The following MBOAT2 variants were observed in gnomAD, a reference collection of about 807,000 sequenced individuals.
MBOAT2 encodes the protein membrane bound glycerophospholipid O-acyltransferase 2.
MBOAT2 carries 28 observed loss-of-function variants against 63.4 expected under a neutral mutation model. The observed-to-expected ratio is 0.44, with a 90% confidence interval of 0.33 to 0.61. MBOAT2 has a LOEUF of 0.61. MBOAT2 is among the 20% of genes least tolerant of loss of function. The probability of loss-of-function intolerance (pLI) is 0.03; values close to 1 mark genes in which losing one functional copy is unlikely to be tolerated. For missense variants in MBOAT2, 470 were observed against 605.8 expected, an observed-to-expected ratio of 0.78 and a Z score of 2.35; for synonymous variants, 211 against 215.6, an observed-to-expected ratio of 0.98 and a Z score of 0.19.
At chr2:8,905,810 A>T (rs1007901901) in intron 4 of MBOAT2, among the ~76,000 whole-genome samples, 2 of 152,228 alleles carry the variant, frequency 1.3e-5, no homozygotes, top group Non-Finnish European at 2.9e-5. Flanking sequence ...ATAATAATAA[A>T]AAAAGTTTCC....
intron 2 of MBOAT2, among the ~76,000 whole-genome samples, chr2:8,951,197 C>G (rs928760909): frequency 6.1e-5 from 9 of 146,482 alleles, no homozygotes; most frequent in African/African-American, 2.1e-4. Flanking sequence ...CAGTAGAATA[C>G]TGGTACCAGC....
chr2:8,970,275 G>C (rs1441667822), intron 1 of MBOAT2, among the ~76,000 whole-genome samples: 2 of 152,184 alleles, frequency 1.3e-5, no homozygotes, highest in African/African-American at 4.8e-5. Flanking sequence ...TGATTACTGG[G>C]TACATAACGA....
intron 1 of MBOAT2, among the ~76,000 whole-genome samples, chr2:8,961,893 G>A (rs909201239): frequency 2.0e-5 from 3 of 151,996 alleles, no homozygotes; most frequent in Admixed American, 6.6e-5. Context: ...TCCACAGCCA[G>A]GCTCCCTGCC....
chr2:8,957,170 G>A (rs1669285587), intron 2 of MBOAT2, among the ~76,000 whole-genome samples: 1 of 152,126 alleles, frequency 6.6e-6, no homozygotes, highest in Non-Finnish European at 1.5e-5. Context: ...GCTGAGTGAT[G>A]GGCATATGAG....
intron 2 of MBOAT2, among the ~76,000 whole-genome samples, chr2:8,949,921 T>C (rs1390511831): frequency 1.3e-5 from 2 of 152,202 alleles, no homozygotes; most frequent in African/African-American, 4.8e-5. Flanking sequence ...AGTATGGCCA[T>C]TTTAGTGGCA....
At chr2:8,935,555 A>AAAATT in intron 3 of MBOAT2, among the ~76,000 whole-genome samples, 1 of 152,360 alleles carries the variant, frequency 6.6e-6, no homozygotes, top group East Asian at 1.9e-4. Context: ...AAACAGCAAA[A>AAAATT]TACTTCAGAA....
chr2:8,919,167 T>C (rs1412567640), intron 3 of MBOAT2, among the ~76,000 whole-genome samples: 3 of 152,198 alleles, frequency 2.0e-5, no homozygotes, highest in Non-Finnish European at 4.4e-5. Context: ...CGGTGAATAT[T>C]TGGGCTGTTT....
intron 3 of MBOAT2, among the ~76,000 whole-genome samples, chr2:8,936,361 G>A (rs922915318): frequency 6.6e-6 from 1 of 152,222 alleles, no homozygotes; most frequent in Non-Finnish European, 1.5e-5. Context: ...TTGGTGGGCA[G>A]CTGAACCTTA....
At chr2:8,951,421 T>C (rs1668827876) in intron 2 of MBOAT2, among the ~76,000 whole-genome samples, 1 of 152,160 alleles carries the variant, frequency 6.6e-6, no homozygotes, top group Non-Finnish European at 1.5e-5. Context: ...GCCAGGCTGG[T>C]CTTGAACTCC....
intron 8 of MBOAT2, among the ~76,000 whole-genome samples, chr2:8,870,011 T>G (rs1182714614): frequency 6.6e-6 from 1 of 152,170 alleles, no homozygotes; most frequent in African/African-American, 2.4e-5. Flanking sequence ...CCACCTTCCA[T>G]GTTCCCCTGC....
At chr2:8,900,401 G>C (rs574692259) in intron 4 of MBOAT2, among the ~76,000 whole-genome samples, 26 of 152,302 alleles carry the variant, frequency 1.7e-4, no homozygotes, top group African/African-American at 6.0e-4. Flanking sequence ...GAGCTCAAAG[G>C]TTTGCCCTAG....
At chr2:8,952,375 T>C (rs550129555) in intron 2 of MBOAT2, among the ~76,000 whole-genome samples, 4 of 152,364 alleles carry the variant, frequency 2.6e-5, no homozygotes, top group Non-Finnish European at 4.4e-5. Flanking sequence ...CATGTGCAGA[T>C]GAGAAAAATG....
chr2:8,998,225 C>T (rs1672443060), intron 1 of MBOAT2, among the ~76,000 whole-genome samples: 1 of 152,198 alleles, frequency 6.6e-6, no homozygotes, highest in South Asian at 2.1e-4. Flanking sequence ...TCCCATATGC[C>T]TTCCTGATGA....
At chr2:8,950,427 T>G in intron 2 of MBOAT2, among the ~76,000 whole-genome samples, 1 of 151,608 alleles carries the variant, frequency 6.6e-6, no homozygotes, top group Non-Finnish European at 1.5e-5. Context: ...CAGTTTGTTT[T>G]TTGTTTGTTT....
Position 8,858,668 on chromosome 2 carries a change from A to G in MBOAT2, c.*11T>C, listed in dbSNP as rs757726429. 1 of 1,577,984 alleles carries G rather than the reference A, an allele frequency of 6.3e-7. No individual in the cohort carries two copies. The highest frequency in any genetic ancestry group is 8.6e-7 in the Non-Finnish European group (1 of 1,158,252). The stretch of plus-strand genomic sequence containing the variant: ...ATCAAAAAAAAAAAACAGCCCTCAG[A>G]GCCTTCCCGATCACTGCTTTAGTGA... On this transcript the variant is annotated 3_prime_UTR_variant, in exon 13 of 13. Coordinates refer to ENST00000305997, the MANE Select transcript of MBOAT2 (RefSeq NM_138799.4).
intron 3 of MBOAT2, among the ~76,000 whole-genome samples, chr2:8,929,375 A>G (rs1184937770): frequency 1.3e-5 from 2 of 152,092 alleles, no homozygotes; most frequent in Non-Finnish European, 2.9e-5. Context: ...CATTTGAGAA[A>G]GGGTCTCACT....
intron 4 of MBOAT2, among the ~76,000 whole-genome samples, chr2:8,899,992 A>G (rs549542951): frequency 3.9e-5 from 6 of 152,064 alleles, no homozygotes; most frequent in African/African-American, 1.4e-4. Flanking sequence ...GAATCAATTG[A>G]CCCTCTAGTG....
At chr2:8,916,420 T>C (rs1666181201) in intron 3 of MBOAT2, among the ~76,000 whole-genome samples, 2 of 152,218 alleles carry the variant, frequency 1.3e-5, no homozygotes, top group African/African-American at 4.8e-5. Context: ...AACTGTTGAA[T>C]TGCTGCCTCA....
intron 2 of MBOAT2, among the ~76,000 whole-genome samples, chr2:8,950,179 A>G (rs1201185434): frequency 6.6e-6 from 1 of 152,178 alleles, no homozygotes; most frequent in South Asian, 2.1e-4. Flanking sequence ...GTAGCCTGAA[A>G]TCTTGCTACA....
Sources: allele counts gnomAD v4.1 joint callset (sites outside exome capture counted in the v4.1 genomes callset), GRCh38; gene constraint gnomAD v4.1.1; transcripts MANE v1.5; gene names NCBI Gene and HGNC (gene_info 2026-07-23, HGNC 2026-07-21).